The following AIM2 variants were observed in gnomAD, a reference collection of about 807,000 sequenced individuals.
The protein encoded by AIM2 is interferon-inducible protein AIM2.
In AIM2, 30 loss-of-function variants were observed where a neutral mutation model predicts 27.7. That is an observed-to-expected ratio of 1.08 (90% CI 0.81 to 1.47). The LOEUF (loss-of-function observed/expected upper bound fraction) is 1.47, where lower values mean the gene tolerates loss of function less well. Ranked by LOEUF, AIM2 falls within the 40% of genes most tolerant of loss-of-function variation. The pLI is 0.00. For synonymous variants in AIM2, 141 were observed against 145.3 expected, an observed-to-expected ratio of 0.97 and a Z score of 0.21; for missense variants, 358 against 411.3, an observed-to-expected ratio of 0.87 and a Z score of 1.12.
chr1:159,113,030 C>T (rs1657614668), intron 1 of AIM2, among the ~76,000 whole-genome samples: 1 of 151,820 alleles, frequency 6.6e-6, no homozygotes, highest in Non-Finnish European at 1.5e-5. Context: ...CTGCAAGCTC[C>T]GCTTCCGGGG....
chr1:159,063,726 G>A lies in AIM2; in HGVS notation c.817-52C>T, dbSNP rs376576863. ...TCTGATAATCGGATTAATGAATGCC[G>A]CATCAGTCACACATCAGACATGCCA... is the stretch of plus-strand genomic sequence containing the variant. On this transcript the variant is annotated intron_variant, in intron 4 of 5. Coordinates refer to ENST00000368130, the MANE Select transcript of AIM2 (RefSeq NM_004833.3). 1.4e-4 allele frequency: 215 copies of A among 1,539,590 alleles called. 1 individual carries two copies. In the South Asian group the frequency reaches 2.0e-3, roughly 14 times the overall value.
chr1:159,073,471 A>G lies in AIM2; in HGVS notation c.29T>C (p.Leu10Ser). 1 of 1,614,168 alleles carries G rather than the reference A, an allele frequency of 6.2e-7. No individual in the cohort carries two copies. Among genetic ancestry groups the G allele is most frequent in the Non-Finnish European group, 8.5e-7 (1 of 1,180,016 alleles). The change falls in exon 2 of 6, where the codon TTG (leucine) becomes TCG (serine). Residue 10 changes from leucine (L) to serine (S), a missense_variant. Transcript: ENST00000368130. Reference protein sequence around the residue: MESKYKEILLLTGLDNITDE... With the variant: MESKYKEILSLTGLDNITDE... ...AGTGATGTTATCCAGGCCTGTTAGC[A>G]AGAGTATCTCCTTGTATTTACTCTC...
At position 159,130,840 on chromosome 1, in the gene AIM2, A is replaced by G. The variant is rs570575197; in HGVS notation, c.-16+9591T>C. ...CACACACACACACACACACACACAC[A>G]CACGCACGCACTCTTCAAATCTGTC... On this transcript the variant is annotated intron_variant, in intron 1 of 2. Transcript: ENST00000368129. 3.4e-3 allele frequency among the ~76,000 whole-genome samples: 464 copies of G among 135,162 alleles called. 3 individuals are homozygous for G. Among genetic ancestry groups the G allele is most frequent in the African/African-American group, 0.013 (426 of 32,972 alleles). 88.7% of individuals were successfully genotyped at this position (135,162 alleles called of 152,430 possible).
At chr1:159,139,012 T>C (rs1415233458) in intron 1 of AIM2, among the ~76,000 whole-genome samples, 1 of 152,196 alleles carries the variant, frequency 6.6e-6, no homozygotes. Flanking sequence ...CAGAAGAAAA[T>C]TGTTATCACA....
At chr1:159,116,766 T>C (rs1231395145) in intron 1 of AIM2, among the ~76,000 whole-genome samples, 2 of 151,572 alleles carry the variant, frequency 1.3e-5, no homozygotes, top group Admixed American at 6.6e-5. Flanking sequence ...CACACCAACA[T>C]GGCACATGTA....
chr1:159,105,960 C>G (rs1305024678), intron 1 of AIM2, among the ~76,000 whole-genome samples: 3 of 152,098 alleles, frequency 2.0e-5, no homozygotes, highest in Non-Finnish European at 2.9e-5. Context: ...CCTTTCTGCC[C>G]GGGATCCTGT....
chr1:159,130,573 T>C (rs1570981885), intron 1 of AIM2, among the ~76,000 whole-genome samples: 3 of 152,212 alleles, frequency 2.0e-5, no homozygotes, highest in Non-Finnish European at 4.4e-5. Flanking sequence ...CTTTTCCCTT[T>C]GCCTCTTACA....
intron 1 of AIM2, among the ~76,000 whole-genome samples, chr1:159,128,221 A>G (rs1647773675): frequency 1.3e-5 from 2 of 151,498 alleles, no homozygotes; most frequent in Non-Finnish European, 2.9e-5. Flanking sequence ...CAATAAAATA[A>G]TTGCTTTGTT....
chr1:159,135,667 C>A (rs568822146), intron 1 of AIM2, among the ~76,000 whole-genome samples: 2 of 152,298 alleles, frequency 1.3e-5, no homozygotes, highest in South Asian at 4.1e-4. Flanking sequence ...ATAACTTGTT[C>A]TAAGCAGTCG....
chr1:159,104,540 T>C (rs1430764721), intron 1 of AIM2, among the ~76,000 whole-genome samples: 6 of 152,226 alleles, frequency 3.9e-5, no homozygotes, highest in African/African-American at 1.2e-4. Flanking sequence ...CAAATTGAGA[T>C]GTGCTGTAAG....
At chr1:159,097,049 C>T (rs1044438945) in intron 1 of AIM2, among the ~76,000 whole-genome samples, 9 of 151,958 alleles carry the variant, frequency 5.9e-5, no homozygotes, top group African/African-American at 1.9e-4. Context: ...AGGCAGATCC[C>T]TACCTCTCTT....
At chr1:159,059,125 CG>C (rs1293189714), downstream of AIM2, among the ~76,000 whole-genome samples, 2 of 152,136 alleles carry the variant, frequency 1.3e-5, no homozygotes, top group African/African-American at 4.8e-5. Context: ...TGTGGTCTGC[CG>C]TCAAAGAGTG....
chr1:159,138,267 A>G (rs2102056694), intron 1 of AIM2, among the ~76,000 whole-genome samples: 1 of 152,202 alleles, frequency 6.6e-6, no homozygotes, highest in Non-Finnish European at 1.5e-5. Flanking sequence ...ACTCCACCAC[A>G]CTGACCTGTC....
upstream of AIM2, among the ~76,000 whole-genome samples, chr1:159,143,281 G>A (rs112138313): frequency 2.3e-3 from 353 of 152,210 alleles, no homozygotes; most frequent in African/African-American, 8.0e-3. Flanking sequence ...TAACACAAGG[G>A]GGAAAGCAGC....
At chr1:159,101,921 G>A (rs994821343) in intron 1 of AIM2, among the ~76,000 whole-genome samples, 1 of 152,156 alleles carries the variant, frequency 6.6e-6, no homozygotes, top group African/African-American at 2.4e-5. Context: ...ATTTTCTGGG[G>A]AGAAATTCAA....
At chr1:159,107,395 G>A (rs1279140556) in intron 1 of AIM2, among the ~76,000 whole-genome samples, 1 of 151,944 alleles carries the variant, frequency 6.6e-6, no homozygotes. Context: ...AATGGATCAG[G>A]ACTGCAGGGG....
At chr1:159,084,837 C>T (rs1249470132) in intron 1 of AIM2, among the ~76,000 whole-genome samples, 2 of 134,456 alleles carry the variant, frequency 1.5e-5, no homozygotes, top group Non-Finnish European at 3.4e-5. Flanking sequence ...ACACACATCC[C>T]TCAGAGATCA....
chr1:159,068,754 G>A, intron 2 of AIM2, 53 bp from the exon 3 acceptor site: 6 of 1,535,928 alleles, frequency 3.9e-6, no homozygotes, highest in Non-Finnish European at 5.3e-6. Flanking sequence ...TATGAGCAGT[G>A]CACATTTTCA....
downstream of AIM2, among the ~76,000 whole-genome samples, chr1:159,060,471 T>A (rs1296566028): frequency 6.6e-6 from 1 of 152,230 alleles, no homozygotes; most frequent in East Asian, 1.9e-4. Flanking sequence ...TTTTTACAAA[T>A]GCATGTAGTC....
Sources: allele counts gnomAD v4.1 joint callset (sites outside exome capture counted in the v4.1 genomes callset), GRCh38; gene constraint gnomAD v4.1.1; transcripts MANE v1.5; gene names NCBI Gene and HGNC (gene_info 2026-07-23, HGNC 2026-07-21).